The following HSD17B12 variants were observed in gnomAD, a reference collection of about 807,000 sequenced individuals.
The protein encoded by HSD17B12 is hydroxysteroid 17-beta dehydrogenase 12, also known as very-long-chain 3-oxoacyl-CoA reductase.
HSD17B12 carries 32 observed loss-of-function variants against 39.3 expected under a neutral mutation model. The observed-to-expected ratio is 0.81, with a 90% CI of 0.61 to 1.09. The LOEUF is 1.09. Among genes scored for constraint, HSD17B12 ranks in the 50% least tolerant of loss-of-function variants. The pLI is 0.00. For synonymous variants in HSD17B12, 150 were observed against 146.7 expected (o/e 1.02, Z -0.16); for missense variants, 342 against 382.9 (o/e 0.89, Z 0.89).
rs1565077141 is a variant in HSD17B12, at chr11:43,757,661, A to AACAAAACAAAAC, written c.283+3541_283+3542insCAAAACAAAACA. ...TCTCAAAAAAAAAAAAAAAAAAAAAAAAAAAACAAATAGGTAAAAAACAAA... is the reference window on the plus strand; with the variant it reads ...TCTCAAAAAAAAAAAAAAAAAAAAAAACAAAACAAAACAAAAAACAAATAGGTAAAAAACAAA... On this transcript the variant is annotated intron_variant, in intron 3 of 10. Coordinates refer to ENST00000278353, the MANE Select transcript of HSD17B12 (RefSeq NM_016142.3). Among the ~76,000 whole-genome samples the AACAAAACAAAAC allele has an allele frequency of 1.2e-3, 169 of 143,984 alleles. 4 individuals are homozygous for AACAAAACAAAAC. The East Asian group carries it at 0.03, about 26-fold the overall frequency. The allele number at this position is 143,984 out of a possible 152,430, so 94.5% of individuals were successfully genotyped here.
At chr11:43,573,897 G>A in the HSD17B12 span, among the ~76,000 whole-genome samples, 25 of 152,198 alleles carry the variant, frequency 1.6e-4, no homozygotes, top group African/African-American at 5.8e-4. Context: ...CACTGCCGGC[G>A]TCTCCTGTCC....
intron 1 of HSD17B12, among the ~76,000 whole-genome samples, chr11:43,749,067 A>G (rs867515325): frequency 2.0e-5 from 3 of 152,200 alleles, no homozygotes; most frequent in Non-Finnish European, 2.9e-5. Context: ...TCCTGATGTA[A>G]AAATGCATTA....
At chr11:43,823,839 T>C (rs1027091057) in intron 6 of HSD17B12, among the ~76,000 whole-genome samples, 1 of 152,206 alleles carries the variant, frequency 6.6e-6, no homozygotes, top group African/African-American at 2.4e-5. Flanking sequence ...TGATTGTGTG[T>C]GGCCCTAGAA....
chr11:43,640,641 T>G, the HSD17B12 span, among the ~76,000 whole-genome samples: 1 of 152,060 alleles, frequency 6.6e-6, no homozygotes, highest in Non-Finnish European at 1.5e-5. Flanking sequence ...TTAGGAAATT[T>G]TTAAAATAGA....
the HSD17B12 span, among the ~76,000 whole-genome samples, chr11:43,572,705 G>T: frequency 6.6e-6 from 1 of 152,166 alleles, no homozygotes; most frequent in African/African-American, 2.4e-5. Flanking sequence ...TTGCCTTAAG[G>T]ATTAAATAAA....
intron 7 of HSD17B12, among the ~76,000 whole-genome samples, chr11:43,832,886 G>T (rs1044863932): frequency 6.6e-6 from 1 of 152,032 alleles, no homozygotes; most frequent in African/African-American, 2.4e-5. Context: ...AAAAACATTA[G>T]CTGGGCGTGG....
chr11:43,841,786 G>A (rs1299132285), intron 9 of HSD17B12, among the ~76,000 whole-genome samples: 1 of 152,104 alleles, frequency 6.6e-6, no homozygotes, highest in South Asian at 2.1e-4. Context: ...TGCACGTCTG[G>A]TGTTCATTGT....
chr11:43,807,172 A>G (rs939156201), intron 4 of HSD17B12, among the ~76,000 whole-genome samples: 3 of 152,232 alleles, frequency 2.0e-5, no homozygotes, highest in Non-Finnish European at 2.9e-5. Flanking sequence ...GAGCTATAAC[A>G]GTAGACAAAA....
chr11:43,565,371 A>C, the HSD17B12 span, among the ~76,000 whole-genome samples: 1,415 of 152,328 alleles, frequency 9.3e-3, 11 homozygotes, highest in Non-Finnish European at 0.015. Context: ...GATTGAAGGC[A>C]GGGTCTTTGT....
At chr11:43,806,420 A>G (rs904860454) in intron 4 of HSD17B12, 1 of 152,214 alleles carries the variant, frequency 6.6e-6, no homozygotes, top group African/African-American at 2.4e-5. Context: ...ACAGTAGCCA[A>G]AATATGGAAT....
At chr11:43,666,039 G>C in the HSD17B12 span, among the ~76,000 whole-genome samples, 1 of 152,128 alleles carries the variant, frequency 6.6e-6, no homozygotes, top group African/African-American at 2.4e-5. Context: ...ACCACACCTG[G>C]CTCACTTTTA....
intron 1 of HSD17B12, among the ~76,000 whole-genome samples, chr11:43,710,125 T>C (rs892017483): frequency 2.0e-5 from 3 of 152,218 alleles, no homozygotes; most frequent in Admixed American, 1.3e-4. Flanking sequence ...TGGGTGATAG[T>C]TGAGAAACAG....
chr11:43,759,139 G>T (rs1201314621), intron 3 of HSD17B12, among the ~76,000 whole-genome samples: 1 of 152,078 alleles, frequency 6.6e-6, no homozygotes, highest in Non-Finnish European at 1.5e-5. Context: ...GACAAAAAGA[G>T]GAAATGGGGG....
chr11:43,594,440 A>T, the HSD17B12 span, among the ~76,000 whole-genome samples: 1 of 152,076 alleles, frequency 6.6e-6, no homozygotes, highest in Non-Finnish European at 1.5e-5. Context: ...AAAGAATACT[A>T]TATATTTTAT....
the HSD17B12 span, among the ~76,000 whole-genome samples, chr11:43,650,149 G>A: frequency 3.3e-5 from 5 of 152,154 alleles, no homozygotes; most frequent in South Asian, 1.0e-3. Context: ...ACAGATAACA[G>A]GAACAAATAC....
At chr11:43,697,172 G>A (rs370195503) in intron 1 of HSD17B12, among the ~76,000 whole-genome samples, 21 of 152,228 alleles carry the variant, frequency 1.4e-4, no homozygotes, top group Non-Finnish European at 2.6e-4. Flanking sequence ...CCCAGAACTT[G>A]AAATAAAACA....
At chr11:43,726,270 C>G (rs1950219141) in intron 1 of HSD17B12, among the ~76,000 whole-genome samples, 1 of 152,000 alleles carries the variant, frequency 6.6e-6, no homozygotes, top group African/African-American at 2.4e-5. Flanking sequence ...CCCTTAGTGT[C>G]TCTAAGGGCG....
intron 2 of HSD17B12, 35 bp downstream of exon 2, chr11:43,750,992 A>G (rs1300188614): frequency 7.2e-7 from 1 of 1,382,212 alleles, no homozygotes; most frequent in Admixed American, 1.9e-5. Context: ...TTTTAATATA[A>G]AAAATAAGAA....
the HSD17B12 span, among the ~76,000 whole-genome samples, chr11:43,596,983 A>G: frequency 6.6e-6 from 1 of 152,238 alleles, no homozygotes; most frequent in Non-Finnish European, 1.5e-5. Context: ...CATATTAGCA[A>G]CACAGGATAA....
Sources: allele counts gnomAD v4.1 joint callset (sites outside exome capture counted in the v4.1 genomes callset), GRCh38; gene constraint gnomAD v4.1.1; transcripts MANE v1.5; gene names NCBI Gene and HGNC (gene_info 2026-07-23, HGNC 2026-07-21).